The following KIRREL2 variants were observed in gnomAD, a reference collection of about 807,000 sequenced individuals.
The protein encoded by KIRREL2 is kirre like nephrin family adhesion molecule 2.
A neutral mutation model predicts 73.4 loss-of-function variants in KIRREL2; 56 were observed. The ratio of observed to expected loss-of-function variants is 0.76; its 90% CI spans 0.62 to 0.95. The LOEUF is 0.95. Among genes scored for constraint, KIRREL2 ranks in the 40% least tolerant of loss-of-function variants. KIRREL2 has a pLI of 0.00. For synonymous variants in KIRREL2, 407 were observed against 404.0 expected (o/e 1.01, Z -0.09); for missense variants, 896 against 935.0 (o/e 0.96, Z 0.54).
intron 13 of KIRREL2, among the ~76,000 whole-genome samples, chr19:35,863,867 G>A (rs928774547): frequency 3.3e-5 from 5 of 150,218 alleles, no homozygotes; most frequent in East Asian, 2.0e-4. Context: ...TCCACCTCCC[G>A]GGTTCACACC....
In KIRREL2 at chr19:35,861,889, G is replaced by A; in HGVS notation, c.1375G>A (p.Gly459Arg). The A allele has an allele frequency of 6.2e-7, 1 of 1,601,954 alleles. No individual in the cohort carries two copies. Among genetic ancestry groups the A allele is most frequent in the South Asian group, 1.1e-5 (1 of 89,026 alleles). The change falls in exon 11 of 15, where the codon GGG (glycine) becomes AGG (arginine). Residue 459 changes from glycine (G) to arginine (R), a missense_variant. Gly to Arg is a moderately radical substitution (Grantham distance 125). Transcript: ENST00000360202. Reference sequence around the variant, plus strand: ...GACATTCCCTGCCCCAGAGAGCCGCGGGGGACTGGGTCCGGGCCTGATCTC... The same window carrying A: ...GACATTCCCTGCCCCAGAGAGCCGCAGGGGACTGGGTCCGGGCCTGATCTC... ...VETFPAPESRGGLGPGLISVL... is the reference protein window; with the variant it reads ...VETFPAPESRRGLGPGLISVL...
At chr19:35,862,849 C>A in intron 12 of KIRREL2, 78 bp from the exon 13 acceptor site, 1 of 868,562 alleles carries the variant, frequency 1.2e-6, no homozygotes, top group Non-Finnish European at 1.9e-6. Flanking sequence ...GGTTCCCAGT[C>A]CTCTCTCTTC....
intron 13 of KIRREL2, among the ~76,000 whole-genome samples, chr19:35,863,904 G>T (rs1973829980): frequency 6.6e-6 from 1 of 151,942 alleles, no homozygotes; most frequent in Non-Finnish European, 1.5e-5. Flanking sequence ...CTCCAGAGTA[G>T]CTGGGACTAC....
At chr19:35,853,255 C>T (rs1411521118), upstream of KIRREL2, among the ~76,000 whole-genome samples, 1 of 152,060 alleles carries the variant, frequency 6.6e-6, no homozygotes, top group African/African-American at 2.4e-5. Context: ...GAGTGAACTG[C>T]GATCTGTAAT....
chr19:35,859,592 C>G lies in KIRREL2; in HGVS notation c.634C>G (p.Pro212Ala). 1 of 1,614,016 alleles carries G rather than the reference C, an allele frequency of 6.2e-7. No individual in the cohort carries two copies. Among genetic ancestry groups the G allele is most frequent in the Non-Finnish European group, 8.5e-7 (1 of 1,180,004 alleles). Residue 212 changes from proline to alanine, a missense_variant, in exon 5 of 15, where the codon CCC becomes GCC. Physicochemically the swap from Pro to Ala is conservative, Grantham distance 27 (BLOSUM62 -1). Transcript: ENST00000360202. ...CTGCCGGGCCCGGAGCCAGGCCCTG[C>G]CCACAGGAAGAGACACAGCTATCAC... Reference protein sequence around the residue: ...FVCRARSQALPTGRDTAITLS... With the variant: ...FVCRARSQALATGRDTAITLS...
intron 7 of KIRREL2, 90 bp from the exon 8 acceptor site, chr19:35,860,819 G>C (rs1457887441): frequency 2.2e-5 from 35 of 1,600,128 alleles, no homozygotes; most frequent in African/African-American, 4.0e-5. Flanking sequence ...TTGCGCCCTA[G>C]AGGGTGTGGT....
chr19:35,861,844 C>T lies in KIRREL2; in HGVS notation c.1330C>T (p.Gln444Ter). Reference protein sequence around the residue: ...WDEGFLEAGSQGRFLVETFPA... With the variant: ...WDEGFLEAGS The stretch of plus-strand genomic sequence containing the variant: ...TGAGGGCTTCCTGGAGGCGGGGTCG[C>T]AGGGCCGGTTCCTGGTGGAGACATT... The change falls in exon 11 of 15, where the codon CAG becomes TAG. Residue 444 changes from glutamine (Q) to a stop codon, truncating the protein, a stop_gained. Coordinates refer to ENST00000360202, the MANE Select transcript of KIRREL2 (RefSeq NM_199180.4). LOFTEE classifies it high-confidence loss of function. 5 of 1,587,354 alleles carry T rather than the reference C, an allele frequency of 3.1e-6. No individual in the cohort carries two copies. The highest frequency in any genetic ancestry group is 1.1e-5 in the South Asian group (1 of 87,756).
chr19:35,861,412 C>G (rs1013563068), intron 9 of KIRREL2, 129 bp from the exon 10 acceptor site: 4 of 1,459,772 alleles, frequency 2.7e-6, no homozygotes, highest in African/African-American at 1.4e-5. Flanking sequence ...TTAGGAGAAT[C>G]GGAGTTTGGA....
chr19:35,866,554 T>G lies in KIRREL2; in HGVS notation c.*62T>G, dbSNP rs1278776997. 5.6e-6 allele frequency: 9 copies of G among 1,608,824 alleles called. No homozygotes were observed. Among genetic ancestry groups the G allele is most frequent in the Non-Finnish European group, 6.8e-6 (8 of 1,178,432 alleles). On this transcript the variant is annotated 3_prime_UTR_variant, in exon 15 of 15. Transcript: ENST00000360202. ...TGCCATAATGGATTGTTCTGATTTC[T>G]GAGGAGCCAGGACAAGTTGGCGACC... is the stretch of plus-strand genomic sequence containing the variant.
upstream of KIRREL2, chr19:35,851,508 G>A (rs1973260793): frequency 1.9e-6 from 3 of 1,613,632 alleles, no homozygotes; most frequent in East Asian, 6.7e-5. Flanking sequence ...GGGATCCTGG[G>A]GTCGGGGCCC....
intron 13 of KIRREL2, among the ~76,000 whole-genome samples, chr19:35,863,961 A>G (rs1312142978): frequency 1.3e-5 from 2 of 151,394 alleles, no homozygotes; most frequent in African/African-American, 4.9e-5. Flanking sequence ...TTTTTAGTAG[A>G]GACGAGGTGT....
intron 6 of KIRREL2, 26 bp from the exon 7 acceptor site, chr19:35,860,493 C>T (rs561014771): frequency 1.2e-6 from 2 of 1,602,566 alleles, no homozygotes; most frequent in Non-Finnish European, 8.5e-7. Context: ...GCCAGGACAA[C>T]GTTAACAGCG....
At chr19:35,859,781 A>C in intron 5 of KIRREL2, 150 bp downstream of exon 5, 53 of 910,112 alleles carry the variant, frequency 5.8e-5, no homozygotes, top group Non-Finnish European at 7.1e-5. Flanking sequence ...ATGGTAGCTC[A>C]CGCCTGTACT....
At chr19:35,863,070 C>T (rs1485172184) in intron 13 of KIRREL2, 34 bp downstream of exon 13, 2 of 1,219,460 alleles carry the variant, frequency 1.6e-6, no homozygotes, top group Admixed American at 2.0e-5. Flanking sequence ...CTGACTGTGC[C>T]TCCAGACCTA....
Position 35,860,320 on chromosome 19 carries a change from G to A in KIRREL2, c.697G>A (p.Ala233Thr). ...AGACCCCCCAGAGGTGACTCTGTCT[G>A]CTTCGCCACACACTGTGCAGGAGGG... ...LQYPPEVTLS[A>T]SPHTVQEGEK... Residue 233 changes from alanine to threonine, a missense_variant, in exon 6 of 15, where the codon GCT becomes ACT. By Grantham distance (58) the Ala-to-Thr change is moderately conservative. Coordinates refer to ENST00000360202, the MANE Select transcript of KIRREL2 (RefSeq NM_199180.4). 1 of 1,614,034 alleles carries A rather than the reference G, an allele frequency of 6.2e-7. No homozygotes were observed. Among genetic ancestry groups the A allele is most frequent in the Non-Finnish European group, 8.5e-7 (1 of 1,180,018 alleles).
At position 35,857,163 on chromosome 19, in the gene KIRREL2, G is replaced by T; in HGVS notation, c.44G>T (p.Cys15Phe). 6.2e-7 allele frequency: 1 copy of T among 1,613,088 alleles called. No individual in the cohort carries two copies. Among genetic ancestry groups the T allele is most frequent in the Middle Eastern group, 1.7e-4 (1 of 6,048 alleles). ...RVPALLVLLFCFRGRAGPSPH... is the reference protein window; with the variant it reads ...RVPALLVLLFFFRGRAGPSPH... ...CCCGCCCTCCTCGTCCTCCTCTTCTGCTTCAGAGGGAGAGCAGGTACCGCA... is the reference window on the plus strand; with the variant it reads ...CCCGCCCTCCTCGTCCTCCTCTTCTTCTTCAGAGGGAGAGCAGGTACCGCA... Residue 15 changes from cysteine (C) to phenylalanine (F), a missense_variant, in exon 1 of 15, where the codon TGC (cysteine) becomes TTC (phenylalanine). Coordinates refer to ENST00000360202, the MANE Select transcript of KIRREL2 (RefSeq NM_199180.4).
intron 5 of KIRREL2, among the ~76,000 whole-genome samples, chr19:35,860,014 C>T (rs1444739412): frequency 6.6e-6 from 1 of 152,180 alleles, no homozygotes; most frequent in Non-Finnish European, 1.5e-5. Context: ...CACTCAGCAG[C>T]AGAGTGAGAC....
upstream of KIRREL2, among the ~76,000 whole-genome samples, chr19:35,854,588 G>T (rs1006511402): frequency 6.6e-6 from 1 of 152,192 alleles, no homozygotes; most frequent in African/African-American, 2.4e-5. Flanking sequence ...CTCCCAAAGT[G>T]CTGGGATTGC....
chr19:35,856,976 G>A lies in KIRREL2; in HGVS notation c.-144G>A, dbSNP rs1973445269. 1.2e-6 allele frequency: 1 copy of A among 838,022 alleles called. No individual in the cohort carries two copies. Among genetic ancestry groups the A allele is most frequent in the East Asian group, 2.6e-5 (1 of 38,312 alleles). The allele number at this position is 838,022 out of a possible 1,614,324, so 51.9% of individuals were successfully genotyped here. On this transcript the variant is annotated 5_prime_UTR_variant, in exon 1 of 15. Coordinates refer to ENST00000360202, the MANE Select transcript of KIRREL2 (RefSeq NM_199180.4). This position sits in a 1 kb window ranked among gnomAD's most constrained non-coding sequence, Gnocchi z 5.9. ...CAGAGGCTGCGGATGAGCAGACTTG[G>A]AGGACTCCAGGCCAGAGACTAGGCT...
Sources: allele counts gnomAD v4.1 joint callset (sites outside exome capture counted in the v4.1 genomes callset), GRCh38; gene constraint gnomAD v4.1.1; non-coding constraint Gnocchi (gnomAD v3.1); transcripts MANE v1.5; gene names NCBI Gene and HGNC (gene_info 2026-07-23, HGNC 2026-07-21).